Variants in COL28A1 observed in about 807,000 individuals in gnomAD.
The protein encoded by COL28A1 is collagen alpha-1(XXVIII) chain.
In COL28A1, 161 loss-of-function variants were observed where a neutral mutation model predicts 150.2. That is an observed-to-expected ratio of 1.07 (90% CI 0.94 to 1.22). The LOEUF (loss-of-function observed/expected upper bound fraction) is 1.22, where lower values mean the gene tolerates loss of function less well. Ranked by LOEUF, COL28A1 falls within the 50% of genes most tolerant of loss-of-function variation. COL28A1 has a pLI of 0.00. For synonymous variants in COL28A1, 552 were observed against 469.7 expected, an observed-to-expected ratio of 1.18 and a Z score of -2.26; for missense variants, 1,617 against 1,388.3, an observed-to-expected ratio of 1.16 and a Z score of -2.62.
intron 4 of COL28A1, 147 bp from the exon 5 acceptor site, chr7:7,522,108 G>A: frequency 2.9e-6 from 2 of 694,102 alleles, no homozygotes; most frequent in Non-Finnish European, 5.2e-6. Flanking sequence ...ATAACCAACT[G>A]GAGCACTCTC....
chr7:7,486,343 A>C (rs138462179), intron 13 of COL28A1, among the ~76,000 whole-genome samples: 34 of 152,270 alleles, frequency 2.2e-4, no homozygotes, highest in African/African-American at 7.9e-4. Flanking sequence ...GTTTTTGTAT[A>C]GATTTCTTGG....
chr7:7,446,309 C>G (rs1274514233), intron 18 of COL28A1, among the ~76,000 whole-genome samples: 1 of 151,690 alleles, frequency 6.6e-6, no homozygotes, highest in African/African-American at 2.4e-5. Context: ...TGTTTTAAGT[C>G]ATAGAAAATT....
intron 18 of COL28A1, 88 bp downstream of exon 18, chr7:7,452,231 C>T (rs1786751347): frequency 6.5e-7 from 1 of 1,537,704 alleles, no homozygotes; most frequent in Non-Finnish European, 8.7e-7. Flanking sequence ...ATAACACACA[C>T]AGAGTCTGTA....
At chr7:7,390,297 T>C (rs568285413) in intron 27 of COL28A1, among the ~76,000 whole-genome samples, 3 of 152,338 alleles carry the variant, frequency 2.0e-5, no homozygotes, top group South Asian at 4.1e-4. Context: ...ATTATGTTAC[T>C]TGATTTGCGT....
At chr7:7,382,918 G>A (rs764392677) in intron 27 of COL28A1, among the ~76,000 whole-genome samples, 14 of 152,092 alleles carry the variant, frequency 9.2e-5, no homozygotes, top group Non-Finnish European at 1.6e-4. Context: ...GGCCACAGAG[G>A]TTTGCTTGGA....
At chr7:7,400,975 GGT>G (rs60064708) in intron 27 of COL28A1, among the ~76,000 whole-genome samples, 12,641 of 118,750 alleles carry the variant, frequency 0.11, 645 homozygotes, top group South Asian at 0.15. Flanking sequence ...TGGGTATTTG[GGT>G]GTGTGTGTGT....
At chr7:7,412,799 A>AT (rs1783861392) in intron 27 of COL28A1, among the ~76,000 whole-genome samples, 1 of 151,998 alleles carries the variant, frequency 6.6e-6, no homozygotes. Flanking sequence ...ATTTTATACA[A>AT]TTTTTTCTTT....
chr7:7,437,067 A>G (rs140573166), intron 22 of COL28A1, among the ~76,000 whole-genome samples: 89 of 152,320 alleles, frequency 5.8e-4, no homozygotes, highest in Middle Eastern at 6.8e-3. Flanking sequence ...ACCTGAGTGG[A>G]TATCTCTTCT....
chr7:7,505,895 T>C (rs1780781623), intron 11 of COL28A1, 119 bp downstream of exon 11: 2 of 714,498 alleles, frequency 2.8e-6, no homozygotes, highest in African/African-American at 1.7e-5. Context: ...CAGGTTATTA[T>C]GCATTTCCAA....
At chr7:7,441,524 G>A (rs1205946660) in intron 20 of COL28A1, among the ~76,000 whole-genome samples, 106 of 139,084 alleles carry the variant, frequency 7.6e-4, no homozygotes, top group African/African-American at 1.4e-3. Context: ...CTCAACAAAC[G>A]AAAAAAAAAA....
chr7:7,425,852 A>C (rs56043691), intron 25 of COL28A1, among the ~76,000 whole-genome samples: 5,301 of 152,298 alleles, frequency 0.035, 293 homozygotes, highest in African/African-American at 0.12. Flanking sequence ...CAAGGTTTCA[A>C]GGTGGAGCAG....
chr7:7,510,926 G>A (rs575923984), intron 9 of COL28A1, among the ~76,000 whole-genome samples, 165 bp downstream of exon 9: 1 of 152,142 alleles, frequency 6.6e-6, no homozygotes. Context: ...ATTGAGTTAG[G>A]CATCACTTTG....
chr7:7,515,334 T>A (rs191863172), intron 8 of COL28A1, among the ~76,000 whole-genome samples: 2 of 152,212 alleles, frequency 1.3e-5, no homozygotes, highest in Non-Finnish European at 1.5e-5. Context: ...TTTGCCAAAT[T>A]TACTCCCCTG....
chr7:7,385,555 G>C (rs1043145852), intron 27 of COL28A1, among the ~76,000 whole-genome samples: 9 of 150,178 alleles, frequency 6.0e-5, no homozygotes, highest in African/African-American at 2.3e-4. Flanking sequence ...CAATATTTCA[G>C]ATTCCTCCAG....
chr7:7,376,071 C>T (rs1334607979), intron 30 of COL28A1, among the ~76,000 whole-genome samples: 1 of 152,140 alleles, frequency 6.6e-6, no homozygotes, highest in Non-Finnish European at 1.5e-5. Context: ...TTCCTGAACG[C>T]CCTTTTCTTG....
At chr7:7,427,465 T>C (rs1784708003) in intron 25 of COL28A1, among the ~76,000 whole-genome samples, 1 of 152,116 alleles carries the variant, frequency 6.6e-6, no homozygotes, top group African/African-American at 2.4e-5. Flanking sequence ...AAAAATGGAG[T>C]TCCTTGTCCA....
chr7:7,477,039 C>T (rs1788944665), intron 14 of COL28A1, 73 bp downstream of exon 14: 5 of 819,822 alleles, frequency 6.1e-6, no homozygotes, highest in Non-Finnish European at 1.1e-5. Context: ...TTGGCTAGGA[C>T]ACATTTTTAA....
intron 27 of COL28A1, among the ~76,000 whole-genome samples, chr7:7,417,102 A>G (rs11975547): frequency 0.063 from 9,603 of 152,126 alleles, 1,027 homozygotes; most frequent in African/African-American, 0.22. Flanking sequence ...CATCATCAAC[A>G]TATTAGAAGC....
chr7:7,346,351 C>CTT, the COL28A1 span, among the ~76,000 whole-genome samples: 1 of 151,946 alleles, frequency 6.6e-6, no homozygotes, highest in South Asian at 2.1e-4. Flanking sequence ...ATAGAAGTCT[C>CTT]TAATTTTAAA....
Sources: gnomAD v4.1 joint callset for allele counts (sites outside exome capture counted in the v4.1 genomes callset) on GRCh38, gnomAD v4.1.1 for gene constraint, MANE v1.5 for transcripts, NCBI Gene and HGNC (gene_info 2026-07-23, HGNC 2026-07-21) for gene names.